NOX4: variants seen among roughly 807,000 people sequenced by gnomAD.
NOX4 encodes kidney oxidase-1.
A neutral mutation model predicts 87.6 loss-of-function variants in NOX4; 69 were observed. The ratio of observed to expected loss-of-function variants is 0.79; its 90% CI spans 0.65 to 0.96. The LOEUF is 0.96. Ranked by LOEUF, NOX4 falls within the 40% of genes least tolerant of loss-of-function variation. The probability of loss-of-function intolerance (pLI) is 0.00; values close to 1 mark genes in which losing one functional copy is unlikely to be tolerated. For missense variants in NOX4, 680 were observed against 681.5 expected (o/e 1.00, Z 0.02); for synonymous variants, 275 against 238.2 (o/e 1.15, Z -1.42).
chr11:89,476,637 A>G (rs185202414), intron 2 of NOX4, among the ~76,000 whole-genome samples: 1 of 152,174 alleles, frequency 6.6e-6, no homozygotes, highest in African/African-American at 2.4e-5. Context: ...CCAACAAAAT[A>G]CCATATAATA....
the NOX4 span, among the ~76,000 whole-genome samples, chr11:89,579,378 T>A: frequency 3.9e-5 from 6 of 152,072 alleles, no homozygotes; most frequent in Non-Finnish European, 5.9e-5. Context: ...GGGATGTTGA[T>A]AATTGGGGAG....
At chr11:89,426,656 G>A (rs1032533144) in intron 7 of NOX4, among the ~76,000 whole-genome samples, 20 of 152,258 alleles carry the variant, frequency 1.3e-4, no homozygotes, top group Admixed American at 1.0e-3. Flanking sequence ...GAAATGCAAG[G>A]CAGCAGCAAG....
upstream of NOX4, among the ~76,000 whole-genome samples, chr11:89,501,369 G>T (rs1470979829): frequency 6.6e-6 from 1 of 151,994 alleles, no homozygotes; most frequent in South Asian, 2.1e-4. Flanking sequence ...CAGCTCAGAG[G>T]TAAAGAGCGG....
intron 7 of NOX4, among the ~76,000 whole-genome samples, chr11:89,422,647 G>C (rs962264394): frequency 6.6e-6 from 1 of 152,054 alleles, no homozygotes; most frequent in Non-Finnish European, 1.5e-5. Context: ...ATTTACAAAA[G>C]CTTCCTAGAT....
At chr11:89,365,233 A>G (rs1938867214) in intron 12 of NOX4, among the ~76,000 whole-genome samples, 2 of 152,068 alleles carry the variant, frequency 1.3e-5, no homozygotes, top group Admixed American at 1.3e-4. Flanking sequence ...GGGGGAGCAG[A>G]GTGATAAAAG....
chr11:89,515,420 ATCT>A, the NOX4 span, among the ~76,000 whole-genome samples: 27 of 151,806 alleles, frequency 1.8e-4, no homozygotes, highest in Admixed American at 2.6e-4. Flanking sequence ...TGGTTAAAAA[ATCT>A]TCTTATTGCA....
At chr11:89,452,625 A>G (rs1018814531) in intron 2 of NOX4, among the ~76,000 whole-genome samples, 2 of 152,130 alleles carry the variant, frequency 1.3e-5, no homozygotes, top group African/African-American at 4.8e-5. Flanking sequence ...TAATACATGT[A>G]TGCATCATGA....
chr11:89,379,506 TG>T (rs1940115483), intron 11 of NOX4, among the ~76,000 whole-genome samples: 1 of 152,166 alleles, frequency 6.6e-6, no homozygotes, highest in East Asian at 1.9e-4. Flanking sequence ...AAAGCCTCTA[TG>T]TATAGAAATA....
intron 13 of NOX4, among the ~76,000 whole-genome samples, chr11:89,346,455 C>A (rs1480182689): frequency 6.6e-6 from 1 of 150,754 alleles, no homozygotes; most frequent in Non-Finnish European, 1.5e-5. Flanking sequence ...TGTCGACTGA[C>A]AATTTCTGCC....
intron 8 of NOX4, 145 bp from the exon 9 acceptor site, chr11:89,402,687 T>C: frequency 4.4e-6 from 3 of 686,176 alleles, no homozygotes; most frequent in Non-Finnish European, 7.1e-6. Flanking sequence ...TTATGTATTA[T>C]GTTTAGGAGA....
At chr11:89,393,173 T>C (rs575665025) in intron 11 of NOX4, among the ~76,000 whole-genome samples, 1 of 152,264 alleles carries the variant, frequency 6.6e-6, no homozygotes, top group South Asian at 2.1e-4. Flanking sequence ...TGGGGGATAC[T>C]ATTGGCTTCT....
chr11:89,518,268 C>T, the NOX4 span, among the ~76,000 whole-genome samples: 1 of 151,862 alleles, frequency 6.6e-6, no homozygotes, highest in African/African-American at 2.4e-5. Flanking sequence ...CAGGAACAGA[C>T]CTTAATTCAT....
At chr11:89,501,522 T>C (rs999713083), upstream of NOX4, among the ~76,000 whole-genome samples, 3 of 152,008 alleles carry the variant, frequency 2.0e-5, no homozygotes, top group African/African-American at 7.2e-5. Context: ...TTACTCCACA[T>C]GGAAGTGATT....
intron 2 of NOX4, among the ~76,000 whole-genome samples, chr11:89,464,124 A>G (rs1342454455): frequency 2.6e-5 from 4 of 152,062 alleles, no homozygotes; most frequent in Non-Finnish European, 4.4e-5. Context: ...AAATTTTTAT[A>G]TATCTTCATT....
chr11:89,480,388 C>T (rs959093505), intron 2 of NOX4, among the ~76,000 whole-genome samples: 1 of 152,148 alleles, frequency 6.6e-6, no homozygotes, highest in Admixed American at 6.6e-5. Flanking sequence ...TAACAACAGT[C>T]TTCCACATCT....
chr11:89,398,371 G>C (rs1241910137), intron 11 of NOX4, among the ~76,000 whole-genome samples: 2 of 151,886 alleles, frequency 1.3e-5, no homozygotes, highest in East Asian at 3.9e-4. Context: ...TACTGAATGG[G>C]CAAAAACTGG....
the NOX4 span, among the ~76,000 whole-genome samples, chr11:89,505,894 T>C: frequency 0.58 from 88,501 of 151,478 alleles, 26,795 homozygotes; most frequent in Non-Finnish European, 0.7. Flanking sequence ...ACAATGGCTT[T>C]CAAGACATTG....
At chr11:89,355,109 G>A in intron 12 of NOX4, 66 bp from the exon 13 acceptor site, 5 of 1,165,866 alleles carry the variant, frequency 4.3e-6, no homozygotes, top group Non-Finnish European at 6.3e-6. Flanking sequence ...TTTCAAAATG[G>A]AAGTATTTCC....
chr11:89,346,048 C>G (rs763062374), intron 13 of NOX4, among the ~76,000 whole-genome samples: 7 of 152,152 alleles, frequency 4.6e-5, no homozygotes, highest in Non-Finnish European at 7.4e-5. Context: ...GAAAAACCCA[C>G]TCTGCCAAGA....
Sources: gnomAD v4.1 joint callset for allele counts (sites outside exome capture counted in the v4.1 genomes callset) on GRCh38, gnomAD v4.1.1 for gene constraint, MANE v1.5 for transcripts, NCBI Gene and HGNC (gene_info 2026-07-23, HGNC 2026-07-21) for gene names.